The following RANBP2 variants were observed in gnomAD, a reference collection of about 807,000 sequenced individuals.
RANBP2 encodes RAN binding protein 2.
RANBP2 carries 57 observed loss-of-function variants against 303.6 expected under a neutral mutation model. That is an observed-to-expected ratio of 0.19 (90% CI 0.15 to 0.23). The LOEUF (loss-of-function observed/expected upper bound fraction) is 0.23. RANBP2 is among the 10% of genes least tolerant of loss of function. RANBP2 has a pLI of 1.00. For missense variants in RANBP2, 3,138 were observed against 3,780.8 expected, an observed-to-expected ratio of 0.83 and a Z score of 4.46; for synonymous variants, 1,167 against 1,301.5, an observed-to-expected ratio of 0.90 and a Z score of 2.23.
chr2:109,611,477 C>A, the RANBP2 span, among the ~76,000 whole-genome samples: 2 of 150,816 alleles, frequency 1.3e-5, no homozygotes, highest in African/African-American at 2.4e-5. Context: ...TTAAACCCAA[C>A]AGAAAAAAAA....
At chr2:108,852,362 A>C in the RANBP2 span, among the ~76,000 whole-genome samples, 1 of 152,210 alleles carries the variant, frequency 6.6e-6, no homozygotes, top group Admixed American at 6.5e-5. Context: ...CAAAGACCTA[A>C]AGACAAATGC....
the RANBP2 span, among the ~76,000 whole-genome samples, chr2:109,599,921 A>G: frequency 6.6e-6 from 1 of 152,202 alleles, no homozygotes; most frequent in African/African-American, 2.4e-5. Context: ...CTATTTTACT[A>G]ACACTACAAC....
the RANBP2 span, among the ~76,000 whole-genome samples, chr2:108,813,268 A>AAAAAG: frequency 6.6e-6 from 1 of 150,596 alleles, no homozygotes; most frequent in East Asian, 1.9e-4. Flanking sequence ...AAAAAAAAAA[A>AAAAAG]AAAAGAAAAT....
chr2:109,215,505 A>G, the RANBP2 span, among the ~76,000 whole-genome samples: 1 of 152,008 alleles, frequency 6.6e-6, no homozygotes, highest in African/African-American at 2.4e-5. Context: ...TGATTTCAGC[A>G]GTGTGTACTC....
chr2:109,221,403 CA>C, the RANBP2 span, among the ~76,000 whole-genome samples: 2 of 152,028 alleles, frequency 1.3e-5, no homozygotes, highest in Non-Finnish European at 2.9e-5. Context: ...GCCAATATGG[CA>C]AAACCCTGTC....
chr2:108,907,661 A>G, the RANBP2 span, among the ~76,000 whole-genome samples: 1 of 145,858 alleles, frequency 6.9e-6, no homozygotes, highest in Non-Finnish European at 1.5e-5. Flanking sequence ...AAAAAAAAAA[A>G]CAAAACTCAA....
In RANBP2 at chr2:108,768,182, G is replaced by C; in HGVS notation, c.7643G>C (p.Ser2548Thr). The change falls in exon 20 of 29, where the codon AGT becomes ACT. Residue 2548 changes from serine to threonine, a missense_variant. This residue lies in a region of RANBP2 where 497 missense variants were observed against 465.8 expected (regional missense o/e 1.07). Transcript: ENST00000283195. Reference protein sequence around the residue: ...SSATGSLFGFSFNAPLKSNNS... With the variant: ...SSATGSLFGFTFNAPLKSNNS... ...GCCACTGGGTCTTTGTTTGGATTTA[G>C]TTTTAATGCACCTTTGAAAAGTAAC... is the stretch of plus-strand genomic sequence containing the variant. 1.9e-6 allele frequency: 3 copies of C among 1,612,028 alleles called. No homozygotes were observed. The highest frequency in any genetic ancestry group is 2.5e-6 in the Non-Finnish European group (3 of 1,179,856).
the RANBP2 span, among the ~76,000 whole-genome samples, chr2:109,608,616 C>A: frequency 3.0e-4 from 46 of 152,198 alleles, no homozygotes; most frequent in African/African-American, 1.1e-3. Flanking sequence ...AAAAGTAATA[C>A]CAACAAAGTA....
the RANBP2 span, among the ~76,000 whole-genome samples, chr2:109,680,019 G>T: frequency 1.3e-5 from 2 of 151,642 alleles, no homozygotes; most frequent in African/African-American, 2.4e-5. Flanking sequence ...TTTAAAGCTG[G>T]GTAACCTAGA....
chr2:109,073,981 A>G, the RANBP2 span, among the ~76,000 whole-genome samples: 1 of 150,890 alleles, frequency 6.6e-6, no homozygotes, highest in Non-Finnish European at 1.5e-5. Context: ...CAGCACAACA[A>G]AAACAGGCAA....
the RANBP2 span, among the ~76,000 whole-genome samples, chr2:109,709,425 A>T: frequency 6.6e-6 from 1 of 152,232 alleles, no homozygotes. Context: ...CTGGGAAGCA[A>T]GCAGCTGCTG....
At chr2:109,097,630 G>C in the RANBP2 span, among the ~76,000 whole-genome samples, 1 of 70,514 alleles carries the variant, frequency 1.4e-5, no homozygotes, top group Non-Finnish European at 5.4e-5. Context: ...GTCCATTATA[G>C]TCTTTTTTTT....
the RANBP2 span, among the ~76,000 whole-genome samples, chr2:109,352,205 C>T: frequency 6.6e-6 from 1 of 152,192 alleles, no homozygotes; most frequent in Non-Finnish European, 1.5e-5. Context: ...TGCTGTCTGC[C>T]CTCTCCTTTC....
the RANBP2 span, among the ~76,000 whole-genome samples, chr2:109,321,472 A>T: frequency 6.6e-6 from 1 of 152,252 alleles, no homozygotes; most frequent in East Asian, 1.9e-4. Flanking sequence ...TTAAAATTAG[A>T]TTATGCTTTG....
chr2:109,131,724 A>AC, the RANBP2 span, among the ~76,000 whole-genome samples: 1 of 152,320 alleles, frequency 6.6e-6, no homozygotes, highest in East Asian at 1.9e-4. Context: ...GGAACTTTTT[A>AC]GTAGTGACAT....
chr2:108,923,280 C>G, the RANBP2 span: 3 of 1,296,668 alleles, frequency 2.3e-6, no homozygotes, highest in Non-Finnish European at 3.4e-6. Context: ...TGTCCAGGTG[C>G]CAGGACCGGC....
the RANBP2 span, among the ~76,000 whole-genome samples, chr2:109,108,778 C>T: frequency 2.2e-4 from 34 of 152,330 alleles, no homozygotes; most frequent in African/African-American, 4.8e-4. Flanking sequence ...TCCCCCAAAG[C>T]CCCTGTGGCG....
the RANBP2 span, among the ~76,000 whole-genome samples, chr2:109,111,590 C>A: frequency 5.1e-5 from 7 of 136,348 alleles, no homozygotes; most frequent in Admixed American, 1.6e-4. Context: ...TGGCATTTTT[C>A]TTTTCTTTTT....
At chr2:108,924,567 C>T in the RANBP2 span, among the ~76,000 whole-genome samples, 1 of 152,192 alleles carries the variant, frequency 6.6e-6, no homozygotes, top group Non-Finnish European at 1.5e-5. Flanking sequence ...ATTAGCCAGG[C>T]CCCATGGAGG....
Sources: allele counts gnomAD v4.1 joint callset (sites outside exome capture counted in the v4.1 genomes callset), GRCh38; gene constraint gnomAD v4.1.1; regional missense constraint gnomAD v4.1.1; transcripts MANE v1.5; gene names NCBI Gene and HGNC (gene_info 2026-07-23, HGNC 2026-07-21).